KCNS3: variants seen among roughly 807,000 people sequenced by gnomAD.
KCNS3 encodes the protein delayed-rectifier potassium channel regulatory subunit KCNS3.
In KCNS3, 13 loss-of-function variants were observed where a neutral mutation model predicts 31.0. The observed-to-expected ratio is 0.42, with a 90% CI of 0.27 to 0.67. KCNS3 has a LOEUF of 0.67. Among genes scored for constraint, KCNS3 ranks in the 30% least tolerant of loss-of-function variants. The pLI, the probability that KCNS3 is intolerant of heterozygous loss-of-function variation, is 0.25. For missense variants in KCNS3, 545 were observed against 622.4 expected (o/e 0.88, Z 1.32); for synonymous variants, 238 against 241.5 (o/e 0.99, Z 0.13).
chr2:17,906,083 C>G (rs1234976652), intron 1 of KCNS3, among the ~76,000 whole-genome samples: 2 of 152,220 alleles, frequency 1.3e-5, no homozygotes, highest in Non-Finnish European at 2.9e-5. Context: ...GTGAATCCGT[C>G]TGGTCCTGGA....
intron 1 of KCNS3, among the ~76,000 whole-genome samples, chr2:17,884,268 A>AAAAATATATATATAT (rs1459540269): frequency 8.6e-5 from 4 of 46,678 alleles, no homozygotes; most frequent in Non-Finnish European, 1.2e-4. Context: ...AAAAAAAAAA[A>AAAAATATATATATAT]ATATATATAT....
At chr2:17,910,453 C>T (rs1023224950) in intron 1 of KCNS3, among the ~76,000 whole-genome samples, 14 of 152,172 alleles carry the variant, frequency 9.2e-5, no homozygotes, top group African/African-American at 2.7e-4. Flanking sequence ...CACAGACCCC[C>T]TACTCTAACT....
At position 17,894,407 on chromosome 2, in the gene KCNS3, A is replaced by T. The variant is rs533886530; in HGVS notation, c.-252+15601A>T. ...CTCACTAATGTGGACTGCTTAGCTA[A>T]TTTGATGTAAGTAGACAAACCACAA... On this transcript the variant is annotated intron_variant, in intron 1 of 2. Transcript: ENST00000304101. Among the ~76,000 whole-genome samples, 221 of 152,212 alleles carry T rather than the reference A, an allele frequency of 1.5e-3. 8 individuals carry two copies. Among genetic ancestry groups the T allele is most frequent in the Non-Finnish European group, 3.7e-4 (25 of 68,036 alleles).
chr2:17,887,170 A>C (rs776378297), intron 1 of KCNS3, among the ~76,000 whole-genome samples: 1 of 150,610 alleles, frequency 6.6e-6, no homozygotes, highest in Non-Finnish European at 1.5e-5. Flanking sequence ...TGGTTACATG[A>C]GTAAGTTCTT....
chr2:17,901,343 G>A (rs1450973346), intron 1 of KCNS3, among the ~76,000 whole-genome samples: 1 of 151,304 alleles, frequency 6.6e-6, no homozygotes, highest in Non-Finnish European at 1.5e-5. Flanking sequence ...AAAAAAAATC[G>A]AGTTGAGAGG....
intron 1 of KCNS3, among the ~76,000 whole-genome samples, chr2:17,915,584 C>G (rs935757253): frequency 6.6e-6 from 1 of 152,092 alleles, no homozygotes. Context: ...GGACTTTGGA[C>G]AAATCACTTC....
At chr2:17,884,303 A>C (rs1205204366) in intron 1 of KCNS3, among the ~76,000 whole-genome samples, 1 of 138,370 alleles carries the variant, frequency 7.2e-6, no homozygotes, top group Admixed American at 7.4e-5. Flanking sequence ...ATATATATAT[A>C]TTTAAAAAGA....
intron 1 of KCNS3, among the ~76,000 whole-genome samples, chr2:17,882,111 C>G (rs1331948171): frequency 1.3e-5 from 2 of 152,154 alleles, no homozygotes; most frequent in Non-Finnish European, 2.9e-5. Context: ...TGTATGGGTG[C>G]TAAGTGCCCA....
In KCNS3 at chr2:17,932,757, G is replaced by A; in HGVS notation, c.*273G>A. The A allele has an allele frequency of 3.0e-6, 1 of 336,636 alleles. No homozygotes were observed. Among genetic ancestry groups the A allele is most frequent in the Non-Finnish European group, 5.7e-6 (1 of 176,940 alleles). 20.9% of individuals were successfully genotyped at this position (336,636 alleles called of 1,614,324 possible). ...ATAAATGGTATTGGGTGGGGTTTGT[G>A]GCTACAGCTTATGCATCATTCTGTG... is the stretch of plus-strand genomic sequence containing the variant. On this transcript the variant is annotated 3_prime_UTR_variant, in exon 3 of 3. Transcript: ENST00000304101.
chr2:17,888,626 A>AGT (rs1280369100), intron 1 of KCNS3, among the ~76,000 whole-genome samples: 6 of 47,580 alleles, frequency 1.3e-4, no homozygotes, highest in African/African-American at 3.8e-4. Context: ...TAATAAAAAA[A>AGT]ATGTATATAT....
chr2:17,904,982 T>C (rs2125242134), intron 1 of KCNS3, among the ~76,000 whole-genome samples: 1 of 152,344 alleles, frequency 6.6e-6, no homozygotes, highest in Non-Finnish European at 1.5e-5. Flanking sequence ...AGTAGTTTTT[T>C]CCAATTCTGT....
chr2:17,883,947 T>C (rs1361621109), intron 1 of KCNS3, among the ~76,000 whole-genome samples: 1 of 151,964 alleles, frequency 6.6e-6, no homozygotes, highest in African/African-American at 2.4e-5. Flanking sequence ...TGAGTTTATG[T>C]CCTTTGTAGG....
At chr2:17,911,627 G>A (rs1319881807) in intron 1 of KCNS3, among the ~76,000 whole-genome samples, 3 of 151,996 alleles carry the variant, frequency 2.0e-5, no homozygotes, top group Non-Finnish European at 4.4e-5. Context: ...TAACATTTTG[G>A]TATATATTCT....
intron 1 of KCNS3, among the ~76,000 whole-genome samples, chr2:17,889,916 G>C (rs1295642056): frequency 6.6e-6 from 1 of 152,090 alleles, no homozygotes; most frequent in Non-Finnish European, 1.5e-5. Context: ...CCTGGTTTTG[G>C]TATTAGGGTG....
At chr2:17,907,569 A>G (rs1178308096) in intron 1 of KCNS3, among the ~76,000 whole-genome samples, 1 of 152,086 alleles carries the variant, frequency 6.6e-6, no homozygotes, top group African/African-American at 2.4e-5. Flanking sequence ...GATCTTTACA[A>G]TTTGTCATGT....
chr2:17,901,919 G>C (rs566069101), intron 1 of KCNS3, among the ~76,000 whole-genome samples: 1 of 152,282 alleles, frequency 6.6e-6, no homozygotes, highest in South Asian at 2.1e-4. Flanking sequence ...CCTTCAGCAA[G>C]ACCGGTGTTC....
intron 1 of KCNS3, among the ~76,000 whole-genome samples, chr2:17,913,434 T>A (rs1034059437): frequency 6.6e-6 from 1 of 152,264 alleles, no homozygotes. Flanking sequence ...TTAGTGCATA[T>A]GCACAGTATA....
At chr2:17,894,239 G>A (rs959066738) in intron 1 of KCNS3, among the ~76,000 whole-genome samples, 5 of 152,022 alleles carry the variant, frequency 3.3e-5, no homozygotes, top group African/African-American at 9.7e-5. Flanking sequence ...CCTAATGAGT[G>A]CACAGTGACA....
At chr2:17,909,642 G>A (rs138378279) in intron 1 of KCNS3, among the ~76,000 whole-genome samples, 3 of 152,284 alleles carry the variant, frequency 2.0e-5, no homozygotes, top group Non-Finnish European at 4.4e-5. Context: ...GGCTAACTGA[G>A]GATGTTCTTG....
Sources: gnomAD v4.1 joint callset for allele counts (sites outside exome capture counted in the v4.1 genomes callset) on GRCh38, gnomAD v4.1.1 for gene constraint, MANE v1.5 for transcripts, NCBI Gene and HGNC (gene_info 2026-07-23, HGNC 2026-07-21) for gene names.